Variants in NBAS observed in about 807,000 individuals in gnomAD.
NBAS encodes the protein NBAS subunit of NRZ tethering complex.
NBAS carries 219 observed loss-of-function variants against 302.5 expected under a neutral mutation model. The observed-to-expected ratio is 0.72, with a 90% CI of 0.65 to 0.81. The LOEUF (loss-of-function observed/expected upper bound fraction) is 0.81, where lower values mean the gene tolerates loss of function less well. Among genes scored for constraint, NBAS ranks in the 30% least tolerant of loss-of-function variants. The probability of loss-of-function intolerance (pLI) is 0.00; values close to 1 mark genes in which losing one functional copy is unlikely to be tolerated. For synonymous variants in NBAS, 1,118 were observed against 1,021.6 expected (o/e 1.09, Z -1.80); for missense variants, 2,932 against 2,841.6 (o/e 1.03, Z -0.72).
the NBAS span, among the ~76,000 whole-genome samples, chr2:15,149,082 A>G: frequency 1.3e-5 from 2 of 152,246 alleles, no homozygotes; most frequent in Admixed American, 6.5e-5. Flanking sequence ...CCCAAAGTCC[A>G]TATGTTAGAA....
chr2:14,946,894 T>G, the NBAS span, among the ~76,000 whole-genome samples: 1 of 152,140 alleles, frequency 6.6e-6, no homozygotes, highest in African/African-American at 2.4e-5. Flanking sequence ...CACATACACA[T>G]GGAAGTTAAA....
the NBAS span, among the ~76,000 whole-genome samples, chr2:14,809,081 T>G: frequency 6.6e-6 from 1 of 152,190 alleles, no homozygotes; most frequent in Non-Finnish European, 1.5e-5. Flanking sequence ...TTGGGTGCTG[T>G]TAAAGTCATT....
At chr2:15,371,169 A>G (rs971265012) in intron 31 of NBAS, among the ~76,000 whole-genome samples, 22 of 152,230 alleles carry the variant, frequency 1.4e-4, no homozygotes, top group Non-Finnish European at 2.8e-4. Context: ...GTTCTCAAAT[A>G]TACTCTTCTC....
At chr2:15,456,894 T>C (rs1679271748) in intron 21 of NBAS, among the ~76,000 whole-genome samples, 1 of 90,940 alleles carries the variant, frequency 1.1e-5, no homozygotes, top group Non-Finnish European at 2.7e-5. Context: ...ATATTAGGAG[T>C]AAGGCTATGA....
At chr2:14,893,278 AT>A in the NBAS span, among the ~76,000 whole-genome samples, 1 of 151,832 alleles carries the variant, frequency 6.6e-6, no homozygotes, top group Non-Finnish European at 1.5e-5. Context: ...CCATGATCTA[AT>A]TTTTTTGTCT....
intron 47 of NBAS, among the ~76,000 whole-genome samples, chr2:15,230,177 A>G (rs1376756435): frequency 1.3e-5 from 2 of 152,168 alleles, no homozygotes; most frequent in Non-Finnish European, 2.9e-5. Context: ...ATAACTTGAC[A>G]GCATTACTTT....
At chr2:15,074,264 G>A in the NBAS span, among the ~76,000 whole-genome samples, 1 of 151,770 alleles carries the variant, frequency 6.6e-6, no homozygotes, top group South Asian at 2.1e-4. Flanking sequence ...AAACTAAACT[G>A]GATTACTACC....
At chr2:14,908,191 G>A in the NBAS span, among the ~76,000 whole-genome samples, 38 of 152,204 alleles carry the variant, frequency 2.5e-4, no homozygotes, top group African/African-American at 7.9e-4. Context: ...GTGAAACCCC[G>A]TCTCTACTAA....
rs566683005 is a variant in NBAS, at chr2:15,200,066, C to T, written c.6433-9663G>A. The stretch of plus-strand genomic sequence containing the variant: ...CACAGGCACATGCCACTATGCCTGG[C>T]TAATTTTTTTATTGTAGAGATGGGG... On this transcript the variant is annotated intron_variant, in intron 48 of 51. Transcript: ENST00000281513. 2.6e-5 allele frequency among the ~76,000 whole-genome samples: 4 copies of T among 152,040 alleles called. No homozygotes were observed. The East Asian group carries it at 7.8e-4, about 30-fold the overall frequency.
the NBAS span, among the ~76,000 whole-genome samples, chr2:15,131,948 C>G: frequency 6.6e-6 from 1 of 152,174 alleles, no homozygotes; most frequent in Non-Finnish European, 1.5e-5. Context: ...ATCAGGAGGA[C>G]AGCACCAACG....
At chr2:14,929,053 T>C in the NBAS span, among the ~76,000 whole-genome samples, 1 of 152,154 alleles carries the variant, frequency 6.6e-6, no homozygotes, top group Non-Finnish European at 1.5e-5. Flanking sequence ...AGCACCAAAA[T>C]TGACTATAGT....
intron 10 of NBAS, among the ~76,000 whole-genome samples, chr2:15,505,383 G>A (rs1245094105): frequency 1.3e-5 from 2 of 152,166 alleles, no homozygotes; most frequent in Non-Finnish European, 2.9e-5. Flanking sequence ...ACCTAAGTGT[G>A]GGCATGATAT....
At chr2:15,401,090 C>T (rs10179754) in intron 26 of NBAS, among the ~76,000 whole-genome samples, 95,015 of 151,716 alleles carry the variant, frequency 0.63, 30,497 homozygotes, top group Middle Eastern at 0.69. Context: ...TTATGCCACC[C>T]TTCACGACTT....
At chr2:15,114,019 C>T in the NBAS span, among the ~76,000 whole-genome samples, 124 of 152,116 alleles carry the variant, frequency 8.2e-4, 1 homozygote, top group African/African-American at 2.6e-3. Context: ...CCAAAATAAA[C>T]GAACTTAAAT....
intron 21 of NBAS, among the ~76,000 whole-genome samples, chr2:15,430,661 C>G (rs1365720525): frequency 6.6e-6 from 1 of 152,162 alleles, no homozygotes; most frequent in Non-Finnish European, 1.5e-5. Context: ...CAGTCAGAAT[C>G]CAAAGCTTAC....
chr2:15,514,623 C>G (rs1275391794), intron 9 of NBAS, among the ~76,000 whole-genome samples: 2 of 151,502 alleles, frequency 1.3e-5, no homozygotes, highest in Non-Finnish European at 2.9e-5. Context: ...AATAATGTCA[C>G]TTTGATCAAT....
chr2:15,556,165 C>G (rs1664635555), intron 3 of NBAS, among the ~76,000 whole-genome samples: 1 of 152,186 alleles, frequency 6.6e-6, no homozygotes, highest in East Asian at 1.9e-4. Flanking sequence ...CGCCAAAGGT[C>G]TCTTTTATGG....
the NBAS span, among the ~76,000 whole-genome samples, chr2:14,859,285 A>T: frequency 6.6e-6 from 1 of 152,054 alleles, no homozygotes. Context: ...ATTCAGTGAA[A>T]TCCCTATCAA....
chr2:15,525,274 A>T (rs1662865085), intron 9 of NBAS, among the ~76,000 whole-genome samples: 1 of 152,090 alleles, frequency 6.6e-6, no homozygotes, highest in African/African-American at 2.4e-5. Flanking sequence ...TAAACTCTCC[A>T]CCACAATTTT....
Sources: allele counts gnomAD v4.1 joint callset (sites outside exome capture counted in the v4.1 genomes callset), GRCh38; gene constraint gnomAD v4.1.1; transcripts MANE v1.5; gene names NCBI Gene and HGNC (gene_info 2026-07-23, HGNC 2026-07-21).